The following PPEF2 variants were observed in gnomAD, a reference collection of about 807,000 sequenced individuals.
The protein encoded by PPEF2 is protein phosphatase with EF-hand domain 2.
In PPEF2, 84 loss-of-function variants were observed where a neutral mutation model predicts 84.7. The observed-to-expected ratio is 0.99, with a 90% CI of 0.83 to 1.19. PPEF2 has a LOEUF of 1.19. PPEF2 is among the 50% of genes most tolerant of loss of function. The pLI, the probability that PPEF2 is intolerant of heterozygous loss-of-function variation, is 0.00. For missense variants in PPEF2, 924 were observed against 937.5 expected (o/e 0.99, Z 0.19); for synonymous variants, 346 against 345.2 (o/e 1.00, Z -0.03).
intron 14 of PPEF2, among the ~76,000 whole-genome samples, chr4:75,866,777 C>T (rs925640884): frequency 1.3e-5 from 2 of 152,112 alleles, no homozygotes; most frequent in Non-Finnish European, 2.9e-5. Flanking sequence ...CACCTAAATT[C>T]CTTAGAATAT....
intron 11 of PPEF2, 21 bp from the exon 12 acceptor site, chr4:75,873,333 T>C (rs1330623031): frequency 6.3e-7 from 1 of 1,579,342 alleles, no homozygotes; most frequent in Admixed American, 1.8e-5. Flanking sequence ...CAAGAGATGA[T>C]TTCCTTCCCA....
In PPEF2 at chr4:75,888,292, C is replaced by T. The variant is rs754081844; in HGVS notation, c.454G>A (p.Glu152Lys). 1.6e-5 allele frequency: 26 copies of T among 1,613,872 alleles called. No homozygotes were observed. Among genetic ancestry groups the T allele is most frequent in the Non-Finnish European group, 2.2e-5 (26 of 1,179,966 alleles). The change falls in exon 6 of 17, where the codon GAA becomes AAA. Residue 152 changes from glutamate (E) to lysine (K), a missense_variant. Coordinates refer to ENST00000286719, the MANE Select transcript of PPEF2 (RefSeq NM_006239.3). ...HARYVLNLLY[E>K]TKKHLVQLPN... ...AGCTGTACCAGATGTTTCTTGGTTT[C>T]ATACAAAAGGTTCAAGACGTAGCGA...
chr4:75,882,033 A>C (rs7668165), intron 10 of PPEF2: 131,641 of 151,992 alleles, frequency 0.87, 59,811 homozygotes, highest in Non-Finnish European at 0.99. Flanking sequence ...GAAAATAGAA[A>C]CTTTGCTTCC....
rs759680682 is a variant in PPEF2 at position 75,888,360 on chromosome 4, A to G, written c.418-32T>C. ...GGAGGAAGAGGAGGGAAGGAAGAAA[A>G]CAACACTGATATTCGTGAGGGAAAA... On this transcript the variant is annotated intron_variant, in intron 5 of 16. Coordinates refer to ENST00000286719, the MANE Select transcript of PPEF2 (RefSeq NM_006239.3). 19 of 1,492,068 alleles carry G rather than the reference A, an allele frequency of 1.3e-5. No individual in the cohort carries two copies. The South Asian group carries it at 1.9e-4, about 15-fold the overall frequency. 92.4% of individuals were successfully genotyped at this position (1,492,068 alleles called of 1,614,324 possible).
chr4:75,902,302 C>T lies in PPEF2; in HGVS notation c.-131G>A, dbSNP rs1208635298. ...ATCTCTTTAACATGCAGGCGTGATC[C>T]CCATCCTGTCTTCAGAGTTGGCTGA... On this transcript the variant is annotated 5_prime_UTR_variant, in exon 1 of 17. Transcript: ENST00000286719. 6.6e-6 allele frequency: 1 copy of T among 152,198 alleles called. No individual in the cohort carries two copies. The highest frequency in any genetic ancestry group is 2.4e-5 in the African/African-American group (1 of 41,436). 9.4% of individuals were successfully genotyped at this position (152,198 alleles called of 1,614,324 possible).
intron 6 of PPEF2, among the ~76,000 whole-genome samples, chr4:75,887,553 G>C (rs1427386203): frequency 6.6e-6 from 1 of 151,782 alleles, no homozygotes; most frequent in Non-Finnish European, 1.5e-5. Flanking sequence ...CCCGGGAGGC[G>C]GAGCTTGCAG....
intron 14 of PPEF2, 44 bp downstream of exon 14, chr4:75,867,269 G>C: frequency 6.8e-7 from 1 of 1,470,874 alleles, no homozygotes; most frequent in Non-Finnish European, 9.5e-7. Flanking sequence ...AGATTTTCTG[G>C]CTAGCTTCCT....
Position 75,896,371 on chromosome 4 carries a change from A to C in PPEF2, c.-46T>G. 1 of 1,598,320 alleles carries C rather than the reference A, an allele frequency of 6.3e-7. No homozygotes were observed. Among genetic ancestry groups the C allele is most frequent in the Non-Finnish European group, 8.6e-7 (1 of 1,165,594 alleles). ...GCAGGACGCAGCAGATCCAGAGGAC[A>C]GTGAGCTGTTTGCTGACAAAATGAA... On this transcript the variant is annotated 5_prime_UTR_variant, in exon 2 of 17. Transcript: ENST00000286719.
chr4:75,892,688 T>A (rs1038064589), intron 2 of PPEF2, among the ~76,000 whole-genome samples: 5 of 152,186 alleles, frequency 3.3e-5, no homozygotes, highest in African/African-American at 1.2e-4. Flanking sequence ...ACATGGCCAC[T>A]GGGCCTCTCA....
rs372450044 is a variant in PPEF2, at chr4:75,891,910, G to C, written c.124C>G (p.Arg42Gly). ...GACTGGAAGATGCTCCAGGTGCAAC[G>C]CCGCCTCATCTCCAGGCGGGCCACG... ...RYVARLEMRR[R>G]CTWSIFQSIE... The change falls in exon 3 of 17, where the codon CGT becomes GGT. Residue 42 changes from arginine to glycine, a missense_variant. Arg to Gly is a moderately radical substitution (Grantham distance 125). Transcript: ENST00000286719. 2 of 1,613,944 alleles carry C rather than the reference G, an allele frequency of 1.2e-6. No homozygotes were observed. Among genetic ancestry groups the C allele is most frequent in the Non-Finnish European group, 1.7e-6 (2 of 1,179,986 alleles).
intron 10 of PPEF2, among the ~76,000 whole-genome samples, chr4:75,877,337 C>CA (rs1267097190): frequency 1.7e-4 from 19 of 109,186 alleles, no homozygotes; most frequent in South Asian, 6.0e-4. Context: ...AACTCCATCT[C>CA]AAAAAAAAAA....
chr4:75,901,507 C>T (rs1405455453), intron 1 of PPEF2, among the ~76,000 whole-genome samples: 2 of 139,836 alleles, frequency 1.4e-5, no homozygotes, highest in Non-Finnish European at 1.5e-5. Context: ...GGTGACAGAG[C>T]GAGACTCCAC....
In PPEF2 at chr4:75,884,629, G is replaced by C. The variant is rs1340961079; in HGVS notation, c.711C>G (p.Asn237Lys). The change falls in exon 8 of 17, where the codon AAC (asparagine) becomes AAG (lysine). Residue 237 changes from asparagine (N) to lysine (K), a missense_variant. Physicochemically the swap from Asn to Lys is moderately conservative, Grantham distance 94. Coordinates refer to ENST00000286719, the MANE Select transcript of PPEF2 (RefSeq NM_006239.3). ...MLVYPKEFHL[N>K]RGNHEDHMVN... ...CCATATGGTCCTCATGGTTTCCTCT[G>C]TTAAGATGGAACTCTTTGGGGTAAA... 1 of 1,612,654 alleles carries C rather than the reference G, an allele frequency of 6.2e-7. No homozygotes were observed. Among genetic ancestry groups the C allele is most frequent in the Non-Finnish European group, 8.5e-7 (1 of 1,179,634 alleles).
intron 13 of PPEF2, among the ~76,000 whole-genome samples, chr4:75,869,536 A>G: frequency 6.6e-6 from 1 of 152,164 alleles, no homozygotes; most frequent in African/African-American, 2.4e-5. Context: ...ACTCTGACTG[A>G]GGATTCCTCT....
chr4:75,901,028 G>A (rs755001338), intron 1 of PPEF2, among the ~76,000 whole-genome samples: 50 of 152,216 alleles, frequency 3.3e-4, no homozygotes, highest in Non-Finnish European at 4.8e-4. Flanking sequence ...GAGGTTGGGT[G>A]AGAGATTTCC....
chr4:75,891,451 C>T (rs531883137), intron 4 of PPEF2, among the ~76,000 whole-genome samples, 197 bp downstream of exon 4: 16 of 152,280 alleles, frequency 1.1e-4, no homozygotes, highest in African/African-American at 3.4e-4. Context: ...GAATTCCTTG[C>T]GTCCAAACTC....
At chr4:75,887,392 C>T (rs574222281) in intron 6 of PPEF2, among the ~76,000 whole-genome samples, 4 of 152,184 alleles carry the variant, frequency 2.6e-5, no homozygotes, top group Admixed American at 6.5e-5. Context: ...GAGGCTGAGA[C>T]GGGCGGATCA....
chr4:75,895,539 C>T (rs1050384714), intron 2 of PPEF2, among the ~76,000 whole-genome samples: 1 of 151,900 alleles, frequency 6.6e-6, no homozygotes, highest in Non-Finnish European at 1.5e-5. Context: ...CAAGACAAGC[C>T]TGGTCAACAT....
chr4:75,880,615 A>T (rs1724544056), intron 10 of PPEF2, among the ~76,000 whole-genome samples: 1 of 152,136 alleles, frequency 6.6e-6, no homozygotes, highest in Non-Finnish European at 1.5e-5. Context: ...CTGCCTCCAG[A>T]CATACATGCA....
Sources: allele counts gnomAD v4.1 joint callset (sites outside exome capture counted in the v4.1 genomes callset), GRCh38; gene constraint gnomAD v4.1.1; transcripts MANE v1.5; gene names NCBI Gene and HGNC (gene_info 2026-07-23, HGNC 2026-07-21).